Variants in SALL1 observed in about 807,000 individuals in gnomAD.
The protein encoded by SALL1 is spalt like transcription factor 1, also known as sal-like protein 1.
Under a neutral mutation model 73.1 loss-of-function variants are expected in SALL1, and 10 were observed. The observed-to-expected ratio is 0.14, with a 90% CI of 0.08 to 0.23. The LOEUF (loss-of-function observed/expected upper bound fraction) is 0.23. SALL1 is among the 10% of genes least tolerant of loss of function. The probability of loss-of-function intolerance (pLI) is 1.00; values close to 1 mark genes in which losing one functional copy is unlikely to be tolerated. For missense variants in SALL1, 1,520 were observed against 1,697.3 expected, an observed-to-expected ratio of 0.90 and a Z score of 1.84; for synonymous variants, 688 against 689.8, an observed-to-expected ratio of 1.00 and a Z score of 0.04.
intron 1 of SALL1, among the ~76,000 whole-genome samples, chr16:51,148,302 T>C (rs1962547484): frequency 6.6e-6 from 1 of 152,200 alleles, no homozygotes; most frequent in South Asian, 2.1e-4. Context: ...GCTGCTTCTT[T>C]AGGGCTCCTG....
At chr16:51,147,780 A>AACACACACACACACACACACACACACAC (rs145285801) in intron 1 of SALL1, among the ~76,000 whole-genome samples, 1 of 146,202 alleles carries the variant, frequency 6.8e-6, no homozygotes, top group African/African-American at 2.5e-5. Context: ...GAAGAACTCC[A>AACACACACACACACACACACACACACAC]ACACACACAC....
At chr16:51,143,208 T>C (rs987373761) in intron 1 of SALL1, 1 of 221,642 alleles carries the variant, frequency 4.5e-6, no homozygotes, top group African/African-American at 2.3e-5. Context: ...GAACATTTTA[T>C]TATAAAAATC....
chr16:51,151,892 G>A (rs1007200835), upstream of SALL1, among the ~76,000 whole-genome samples: 12 of 151,544 alleles, frequency 7.9e-5, no homozygotes, highest in Non-Finnish European at 1.5e-4. Flanking sequence ...CGGGGGCGAG[G>A]CGCGCCGGCC....
Position 51,136,887 on chromosome 16 carries a change from A to T in SALL1, c.*225T>A. The T allele has an allele frequency of 1.8e-6, 1 of 565,598 alleles. No individual in the cohort carries two copies. The highest frequency in any genetic ancestry group is 3.2e-6 in the Non-Finnish European group (1 of 317,242). The allele number at this position is 565,598 out of a possible 1,614,324, so 35.0% of individuals were successfully genotyped here. On this transcript the variant is annotated 3_prime_UTR_variant, in exon 3 of 3. Coordinates refer to ENST00000251020, the MANE Select transcript of SALL1 (RefSeq NM_002968.3). ...GTCCAAAATACAGAAGACCAAAGTTAACGCTTGCATTCTGTTTGCAAAGCA... is the reference window on the plus strand; with the variant it reads ...GTCCAAAATACAGAAGACCAAAGTTTACGCTTGCATTCTGTTTGCAAAGCA...
At chr16:51,142,670 TTGAAAA>T in intron 1 of SALL1, among the ~76,000 whole-genome samples, 1 of 152,162 alleles carries the variant, frequency 6.6e-6, no homozygotes, top group Non-Finnish European at 1.5e-5. Flanking sequence ...GACTGACAAC[TTGAAAA>T]TCACCTCAAG....
At chr16:51,147,079 C>T (rs1214483426) in intron 1 of SALL1, among the ~76,000 whole-genome samples, 1 of 152,148 alleles carries the variant, frequency 6.6e-6, no homozygotes, top group Non-Finnish European at 1.5e-5. Flanking sequence ...GGAGTTCTAC[C>T]TTCTAAAAGG....
chr16:51,143,936 A>C (rs1962480234), intron 1 of SALL1, among the ~76,000 whole-genome samples: 1 of 152,200 alleles, frequency 6.6e-6, no homozygotes, highest in African/African-American at 2.4e-5. Context: ...GAAAATACCA[A>C]TAATGATTTG....
chr16:51,139,884 C>A lies in SALL1; in HGVS notation c.2338G>T (p.Val780Phe). The A allele has an allele frequency of 2.5e-6, 4 of 1,614,190 alleles. No individual in the cohort carries two copies. The highest frequency in any genetic ancestry group is 3.4e-6 in the Non-Finnish European group (4 of 1,180,042). ...ICQKKFTNAVVLQQHIRMHMG... is the reference protein window; with the variant it reads ...ICQKKFTNAVFLQQHIRMHMG... Reference sequence around the variant, plus strand: ...TGCATTCGGATGTGCTGCTGCAGGACCACAGCGTTCGTGAACTTCTTCTGG... The same window carrying A: ...TGCATTCGGATGTGCTGCTGCAGGAACACAGCGTTCGTGAACTTCTTCTGG... Residue 780 changes from valine (V) to phenylalanine (F), a missense_variant, in exon 2 of 3, where the codon GTC (valine) becomes TTC (phenylalanine). Physicochemically the swap from Val to Phe is conservative, Grantham distance 50 (BLOSUM62 -1). This residue lies in a region of SALL1 where 77 missense variants were observed against 117.2 expected (regional missense o/e 0.66). Coordinates refer to ENST00000251020, the MANE Select transcript of SALL1 (RefSeq NM_002968.3).
chr16:51,146,021 G>A (rs1292600356), intron 1 of SALL1, among the ~76,000 whole-genome samples: 1 of 123,452 alleles, frequency 8.1e-6, no homozygotes, highest in Non-Finnish European at 1.6e-5. Flanking sequence ...TTTCTGCATC[G>A]ACCTGGGAAA....
intron 1 of SALL1, chr16:51,150,712 T>C (rs1280479138): frequency 8.3e-6 from 4 of 479,122 alleles, no homozygotes; most frequent in East Asian, 1.5e-4. Flanking sequence ...TCCTTACCGC[T>C]GGCAGCAAGG....
chr16:51,139,607 A>G lies in SALL1; in HGVS notation c.2615T>C (p.Met872Thr). ...CTGCTCTGCCAGGCCAGCATTGATC[A>G]TCTTCATCTGATTTTCCAAAGCAGC... Reference protein sequence around the residue: ...SIAALENQMKMINAGLAEQLQ... With the variant: ...SIAALENQMKTINAGLAEQLQ... The change falls in exon 2 of 3, where the codon ATG becomes ACG. Residue 872 changes from methionine to threonine, a missense_variant. Met to Thr is a moderately conservative substitution (Grantham distance 81, BLOSUM62 -1). Coordinates refer to ENST00000251020, the MANE Select transcript of SALL1 (RefSeq NM_002968.3). The G allele has an allele frequency of 2.5e-6, 4 of 1,613,542 alleles. No individual in the cohort carries two copies. Among genetic ancestry groups the G allele is most frequent in the Non-Finnish European group, 2.5e-6 (3 of 1,179,454 alleles).
At chr16:51,146,610 C>T (rs952558952) in intron 1 of SALL1, among the ~76,000 whole-genome samples, 4 of 152,156 alleles carry the variant, frequency 2.6e-5, no homozygotes, top group South Asian at 2.1e-4. Context: ...TAGGAAAAGA[C>T]GCCAAGCTGA....
chr16:51,143,846 T>A (rs1261208141), intron 1 of SALL1, among the ~76,000 whole-genome samples: 1 of 152,186 alleles, frequency 6.6e-6, no homozygotes. Flanking sequence ...AAGCTAGCTT[T>A]CCTAATACCC....
intron 1 of SALL1, among the ~76,000 whole-genome samples, chr16:51,147,156 G>C (rs1962529465): frequency 6.6e-6 from 1 of 152,178 alleles, no homozygotes; most frequent in Non-Finnish European, 1.5e-5. Flanking sequence ...CCCCAAAGAA[G>C]AACCTATACG....
At chr16:51,151,699 G>GC (rs1403847117), upstream of SALL1, among the ~76,000 whole-genome samples, 11 of 150,914 alleles carry the variant, frequency 7.3e-5, no homozygotes, top group East Asian at 1.8e-3. Context: ...CCCGGCAGGC[G>GC]CCCCCCGCTC....
chr16:51,152,269 T>A (rs1343930923), upstream of SALL1: 3 of 152,508 alleles, frequency 2.0e-5, no homozygotes, highest in Non-Finnish European at 4.4e-5. Context: ...CTCCAGCTTC[T>A]TGCTTGCTCC....
At chr16:51,152,153 G>A (rs1181621242), upstream of SALL1, 1 of 152,168 alleles carries the variant, frequency 6.6e-6, no homozygotes, top group African/African-American at 2.4e-5. Context: ...TCGCGGGGGC[G>A]CGGAGAAGAG....
Position 51,139,648 on chromosome 16 carries a change from G to A in SALL1, c.2574C>T (p.Leu858=), listed in dbSNP as rs1965024. ...CCAAAGCAGCGATGCTCGACATCTC[G>A]AGGGGCAAAGGCGAAGAGGATAAGC... is the stretch of plus-strand genomic sequence containing the variant. ...QDSLSSSPLP[L]EMSSIAALEN... The change falls in exon 2 of 3, where the codon CTC becomes CTT. Residue 858 remains leucine, a synonymous_variant. Transcript: ENST00000251020. 1,028,971 of 1,613,246 alleles carry A rather than the reference G, an allele frequency of 0.64. 338,355 individuals carry two copies. Among genetic ancestry groups the A allele is most frequent in the South Asian group, 0.73 (66,732 of 91,060 alleles).
At chr16:51,152,278 C>T (rs1284317979), upstream of SALL1, 3 of 152,526 alleles carry the variant, frequency 2.0e-5, no homozygotes, top group Admixed American at 1.3e-4. Flanking sequence ...CTTGCTTGCT[C>T]CCTCGCTCCC....
Sources: gnomAD v4.1 joint callset for allele counts (sites outside exome capture counted in the v4.1 genomes callset) on GRCh38, gnomAD v4.1.1 for gene constraint, gnomAD v4.1.1 regional missense constraint, MANE v1.5 for transcripts, NCBI Gene and HGNC (gene_info 2026-07-23, HGNC 2026-07-21) for gene names.